The following DLC1 variants were observed in gnomAD, a reference collection of about 807,000 sequenced individuals.
DLC1 encodes rho GTPase-activating protein 7.
In DLC1, 54 loss-of-function variants were observed where a neutral mutation model predicts 140.3. The ratio of observed to expected loss-of-function variants is 0.38; its 90% CI spans 0.31 to 0.48. DLC1 has a LOEUF of 0.48. Among genes scored for constraint, DLC1 ranks in the 20% least tolerant of loss-of-function variants. DLC1 has a pLI of 0.96. For synonymous variants in DLC1, 986 were observed against 728.1 expected (o/e 1.35, Z -5.70); for missense variants, 2,536 against 1,907.0 (o/e 1.33, Z -6.14).
chr8:13,324,890 T>C (rs1833275272), intron 4 of DLC1, among the ~76,000 whole-genome samples: 1 of 152,142 alleles, frequency 6.6e-6, no homozygotes, highest in Non-Finnish European at 1.5e-5. Context: ...GGGTGACTAT[T>C]GGAGATTAAA....
chr8:13,154,408 A>T (rs910937335), intron 5 of DLC1, among the ~76,000 whole-genome samples: 5 of 151,998 alleles, frequency 3.3e-5, no homozygotes, highest in African/African-American at 9.7e-5. Context: ...GTGCTGGGGG[A>T]CCCGGCGCCC....
rs867613331 is a variant in DLC1, at chr8:13,409,054, A to G, written c.1024-7435T>C. ...TCTTGTATTGACCTGACTTCTGTCT[A>G]CTTTTCTACCGGCACTGTTGTAACT... On this transcript the variant is annotated intron_variant, in intron 2 of 17. Coordinates refer to ENST00000276297, the MANE Select transcript of DLC1 (RefSeq NM_182643.3). Among the ~76,000 whole-genome samples the G allele has an allele frequency of 1.1e-4, 16 of 151,936 alleles. No individual in the cohort carries two copies. The Middle Eastern group carries it at 0.01, about 97-fold the overall frequency.
At position 13,514,658 on chromosome 8, in the gene DLC1, G is replaced by C; in HGVS notation, c.-182C>G. On this transcript the variant is annotated 5_prime_UTR_variant, in exon 1 of 18. Coordinates refer to ENST00000276297, the MANE Select transcript of DLC1 (RefSeq NM_182643.3). ...TGACACTGCTCAACACTCAGGCTAG[G>C]AAAGAAGTCCGTCCCCGTTAGTTTC... 1 of 398,668 alleles carries C rather than the reference G, an allele frequency of 2.5e-6. No homozygotes were observed. Among genetic ancestry groups the C allele is most frequent in the Non-Finnish European group, 4.4e-6 (1 of 226,104 alleles). 24.7% of individuals were successfully genotyped at this position (398,668 alleles called of 1,614,324 possible). A position where few individuals can be genotyped will look rare whatever the true frequency, so the allele number is the denominator to read the frequency against.
At chr8:13,096,339 A>T (rs1242078380) in intron 10 of DLC1, among the ~76,000 whole-genome samples, 4 of 152,176 alleles carry the variant, frequency 2.6e-5, no homozygotes, top group Non-Finnish European at 4.4e-5. Context: ...AGCAGGGAAA[A>T]TATTACTCTA....
At chr8:13,184,543 C>T (rs904420834) in intron 5 of DLC1, among the ~76,000 whole-genome samples, 30 of 152,300 alleles carry the variant, frequency 2.0e-4, no homozygotes, top group Middle Eastern at 6.8e-3. Flanking sequence ...TTTCTGCCTT[C>T]ATTTCATTAT....
intron 4 of DLC1, among the ~76,000 whole-genome samples, chr8:13,327,170 T>C (rs1383841847): frequency 7.8e-6 from 1 of 129,028 alleles, no homozygotes; most frequent in African/African-American, 3.0e-5. Context: ...AGACGGGGTT[T>C]CCCCATGTTA....
chr8:13,142,277 C>T (rs1823061058), intron 5 of DLC1, among the ~76,000 whole-genome samples: 1 of 152,186 alleles, frequency 6.6e-6, no homozygotes, highest in Non-Finnish European at 1.5e-5. Flanking sequence ...ACTAATACAA[C>T]TTACTAGTTG....
intron 2 of DLC1, among the ~76,000 whole-genome samples, chr8:13,492,996 C>G (rs1413402192): frequency 6.6e-6 from 1 of 152,122 alleles, no homozygotes; most frequent in Non-Finnish European, 1.5e-5. Context: ...ACCTGGGACA[C>G]AAAACTCACT....
intron 1 of DLC1, among the ~76,000 whole-genome samples, chr8:13,598,328 G>A (rs1259248840): frequency 6.6e-6 from 1 of 151,472 alleles, no homozygotes; most frequent in East Asian, 1.9e-4. Flanking sequence ...GAGCAGCCTG[G>A]GACAGGGAGG....
At chr8:13,171,124 A>T (rs1342641275) in intron 5 of DLC1, among the ~76,000 whole-genome samples, 2 of 152,174 alleles carry the variant, frequency 1.3e-5, no homozygotes, top group Admixed American at 1.3e-4. Context: ...AGTGCAGGAG[A>T]AAAAAAGGGA....
At chr8:13,323,102 C>G (rs1480879687) in intron 4 of DLC1, among the ~76,000 whole-genome samples, 1 of 152,174 alleles carries the variant, frequency 6.6e-6, no homozygotes, top group Non-Finnish European at 1.5e-5. Context: ...ATGACATAGG[C>G]TCAGCTAGAT....
At chr8:13,264,241 T>G (rs951452680) in intron 5 of DLC1, among the ~76,000 whole-genome samples, 19 of 151,798 alleles carry the variant, frequency 1.3e-4, no homozygotes, top group African/African-American at 4.6e-4. Flanking sequence ...GCTAATTTTT[T>G]TTTGTATTTT....
chr8:13,254,153 C>T (rs1208059292), intron 5 of DLC1, among the ~76,000 whole-genome samples: 2 of 151,404 alleles, frequency 1.3e-5, no homozygotes, highest in Non-Finnish European at 1.5e-5. Flanking sequence ...CCTCCTTTCC[C>T]CCACCCCAAC....
intron 5 of DLC1, among the ~76,000 whole-genome samples, chr8:13,290,611 A>C (rs1176398975): frequency 6.6e-6 from 1 of 152,162 alleles, no homozygotes; most frequent in Non-Finnish European, 1.5e-5. Context: ...AATAATAATA[A>C]AGAGTATAAA....
At chr8:13,509,965 A>G (rs1802279295) in intron 1 of DLC1, among the ~76,000 whole-genome samples, 1 of 152,130 alleles carries the variant, frequency 6.6e-6, no homozygotes, top group East Asian at 1.9e-4. Context: ...TCCATGGCAC[A>G]TTTCAAGCAC....
At position 13,166,836 on chromosome 8, in the gene DLC1, C is replaced by G. The variant is rs183635666; in HGVS notation, c.1349-51179G>C. On this transcript the variant is annotated intron_variant, in intron 5 of 17. Coordinates refer to ENST00000276297, the MANE Select transcript of DLC1 (RefSeq NM_182643.3). ...GGAGAAAGACTGCAGGTGCTGGGACCTAGGTGGGGCCTGAGAGGTGAGTTT... is the reference window on the plus strand; with the variant it reads ...GGAGAAAGACTGCAGGTGCTGGGACGTAGGTGGGGCCTGAGAGGTGAGTTT... Among the ~76,000 whole-genome samples the G allele has an allele frequency of 1.7e-3, 257 of 152,240 alleles. 1 individual carries two copies. Among genetic ancestry groups the G allele is most frequent in the Non-Finnish European group, 4.6e-4 (31 of 68,014 alleles).
At chr8:13,598,380 C>A (rs1805752705) in intron 1 of DLC1, among the ~76,000 whole-genome samples, 1 of 151,328 alleles carries the variant, frequency 6.6e-6, no homozygotes, top group Non-Finnish European at 1.5e-5. Context: ...GTGGGGACCA[C>A]TTAGACAAAA....
rs1349017384 is a variant in DLC1 at position 13,083,478 on chromosome 8, C to T, written c.*2333G>A. On this transcript the variant is annotated 3_prime_UTR_variant, in exon 18 of 18. Coordinates refer to ENST00000276297, the MANE Select transcript of DLC1 (RefSeq NM_182643.3). Reference sequence around the variant, plus strand: ...GCCCTGCCCTCAAAGAGCTTACAATCTAGGCAATTAGTCACACAAATAAGT... The same window carrying T: ...GCCCTGCCCTCAAAGAGCTTACAATTTAGGCAATTAGTCACACAAATAAGT... The T allele has an allele frequency of 2.6e-5, 4 of 152,144 alleles. No individual in the cohort carries two copies. The highest frequency in any genetic ancestry group is 1.3e-4 in the Admixed American group (2 of 15,274). The allele number at this position is 152,144 out of a possible 1,614,324, so 9.4% of individuals were successfully genotyped here.
chr8:13,420,670 C>CCAAATA (rs1391572644), intron 2 of DLC1, among the ~76,000 whole-genome samples: 1 of 152,070 alleles, frequency 6.6e-6, no homozygotes, highest in Non-Finnish European at 1.5e-5. Flanking sequence ...GTTTTCTGTT[C>CCAAATA]CTGAGTTAGT....
Sources: gnomAD v4.1 joint callset for allele counts (sites outside exome capture counted in the v4.1 genomes callset) on GRCh38, gnomAD v4.1.1 for gene constraint, MANE v1.5 for transcripts, NCBI Gene and HGNC (gene_info 2026-07-23, HGNC 2026-07-21) for gene names.